PCDHGA2: variants seen among roughly 807,000 people sequenced by gnomAD.
PCDHGA2 encodes protocadherin gamma subfamily A, 2, also known as protocadherin gamma-A2.
In PCDHGA2, 40 loss-of-function variants were observed where a neutral mutation model predicts 59.2. The observed-to-expected ratio is 0.68, with a 90% CI of 0.52 to 0.88. The LOEUF (loss-of-function observed/expected upper bound fraction) is 0.88, where lower values mean the gene tolerates loss of function less well. Ranked by LOEUF, PCDHGA2 falls within the 40% of genes least tolerant of loss-of-function variation. The pLI is 0.00. For synonymous variants in PCDHGA2, 560 were observed against 526.0 expected, an observed-to-expected ratio of 1.06 and a Z score of -0.89; for missense variants, 1,226 against 1,204.0, an observed-to-expected ratio of 1.02 and a Z score of -0.27.
chr5:141,389,320 TG>T (rs764190187), intron 1 of PCDHGA2: 2 of 1,613,848 alleles, frequency 1.2e-6, no homozygotes, highest in Non-Finnish European at 1.7e-6. Flanking sequence ...GATCCGGACT[TG>T]GGGCCCAACG....
chr5:141,421,353 G>T, intron 1 of PCDHGA2: 1 of 1,613,998 alleles, frequency 6.2e-7, no homozygotes, highest in Non-Finnish European at 8.5e-7. Context: ...AGACCGAAAA[G>T]GGCTCCTTCG....
chr5:141,410,517 C>A, intron 1 of PCDHGA2: 1 of 1,613,926 alleles, frequency 6.2e-7, no homozygotes, highest in Non-Finnish European at 8.5e-7. Context: ...TGCAGTGTGC[C>A]CCTACATTCC....
chr5:141,398,868 CAG>C, intron 1 of PCDHGA2: 1 of 1,613,982 alleles, frequency 6.2e-7, no homozygotes, highest in Non-Finnish European at 8.5e-7. Flanking sequence ...GAGACGTGTA[CAG>C]AGTCAGCCTT....
chr5:141,457,335 A>G (rs2098917073), intron 1 of PCDHGA2, among the ~76,000 whole-genome samples: 1 of 152,172 alleles, frequency 6.6e-6, no homozygotes, highest in Admixed American at 6.5e-5. Flanking sequence ...CAGGTACCTT[A>G]CTTACTTTCA....
intron 1 of PCDHGA2, chr5:141,374,044 T>C: frequency 6.8e-7 from 1 of 1,465,536 alleles, no homozygotes; most frequent in Non-Finnish European, 9.0e-7. Flanking sequence ...GATCTGTTCT[T>C]CCTCTTCTTA....
chr5:141,373,373 C>T (rs1171696467), intron 1 of PCDHGA2, among the ~76,000 whole-genome samples: 1 of 152,142 alleles, frequency 6.6e-6, no homozygotes, highest in East Asian at 1.9e-4. Flanking sequence ...TGAATTGGTT[C>T]AAAATGTGTT....
rs1756835412 is a variant in PCDHGA2, at chr5:141,339,423, G to A, written c.452G>A (p.Arg151Gln). Residue 151 changes from arginine (R) to glutamine (Q), a missense_variant, in exon 1 of 4, where the codon CGG becomes CAG. By Grantham distance (43) the Arg-to-Gln change is conservative. Coordinates refer to ENST00000394576, the MANE Select transcript of PCDHGA2 (RefSeq NM_018915.4). The stretch of plus-strand genomic sequence containing the variant: ...AGTGAAACCACTACGCCAGGATTCC[G>A]GATTCCTCTTAAGAATGCGCATGAT... ...KISETTTPGF[R>Q]IPLKNAHDAD... 6.2e-7 allele frequency: 1 copy of A among 1,614,216 alleles called. No individual in the cohort carries two copies. Among genetic ancestry groups the A allele is most frequent in the Non-Finnish European group, 8.5e-7 (1 of 1,180,040 alleles).
chr5:141,465,505 G>C (rs905617997), intron 1 of PCDHGA2, among the ~76,000 whole-genome samples: 1 of 152,190 alleles, frequency 6.6e-6, no homozygotes, highest in Non-Finnish European at 1.5e-5. Context: ...CATTGTCGTG[G>C]TCAGGAAGGA....
At position 141,487,148 on chromosome 5, in the gene PCDHGA2, G is replaced by A; in HGVS notation, c.2425-7659G>A. ...TGGTAGTCCACCACTCTCTACCTCT[G>A]TTACTCTCTTAGTGTCCTTAGAGGA... On this transcript the variant is annotated intron_variant, in intron 1 of 3. Transcript: ENST00000394576. This position sits in a 1 kb window ranked among gnomAD's most constrained non-coding sequence, Gnocchi z 5.0. The A allele has an allele frequency of 6.2e-7, 1 of 1,614,042 alleles. No homozygotes were observed. The highest frequency in any genetic ancestry group is 8.5e-7 in the Non-Finnish European group (1 of 1,179,922).
intron 1 of PCDHGA2, among the ~76,000 whole-genome samples, chr5:141,348,599 T>G (rs1054314793): frequency 6.6e-6 from 1 of 152,172 alleles, no homozygotes; most frequent in Non-Finnish European, 1.5e-5. Context: ...ACTGAGAGTA[T>G]GGAACCCATA....
chr5:141,369,352 G>A (rs1265381304), intron 1 of PCDHGA2, among the ~76,000 whole-genome samples: 1 of 152,116 alleles, frequency 6.6e-6, no homozygotes, highest in East Asian at 1.9e-4. Flanking sequence ...TTGTGATGTA[G>A]TATGAAAAAA....
chr5:141,454,974 A>AT (rs2098808620), intron 1 of PCDHGA2, among the ~76,000 whole-genome samples: 1 of 151,182 alleles, frequency 6.6e-6, no homozygotes, highest in African/African-American at 2.4e-5. Context: ...CGCCTGGCTA[A>AT]TTTTTTAAAA....
intron 3 of PCDHGA2, among the ~76,000 whole-genome samples, chr5:141,508,989 G>A (rs900798347): frequency 1.3e-5 from 2 of 152,110 alleles, no homozygotes; most frequent in Non-Finnish European, 2.9e-5. Flanking sequence ...GGGGCCAGCT[G>A]GGGTAGGAGA....
chr5:141,374,327 G>T (rs766746841), intron 1 of PCDHGA2: 3 of 1,613,866 alleles, frequency 1.9e-6, no homozygotes, highest in Non-Finnish European at 2.5e-6. Context: ...TCCGCGAAAC[G>T]GCAGCTTGGT....
chr5:141,372,365 C>T lies in PCDHGA2; in HGVS notation c.2424+30970C>T, dbSNP rs777698721. On this transcript the variant is annotated intron_variant, in intron 1 of 3. Coordinates refer to ENST00000394576, the MANE Select transcript of PCDHGA2 (RefSeq NM_018915.4). ...GAGGACAGCAGCCTCTTTCAGCCACCGTCATGCTGCACCTAATCTTCGCAG... is the reference window on the plus strand; with the variant it reads ...GAGGACAGCAGCCTCTTTCAGCCACTGTCATGCTGCACCTAATCTTCGCAG... 5.0e-6 allele frequency: 8 copies of T among 1,613,848 alleles called. No individual in the cohort carries two copies. The African/African-American group carries it at 6.7e-5, about 13-fold the overall frequency.
rs752796935 is a variant in PCDHGA2, at chr5:141,399,900, C to T, written c.2424+58505C>T. ...TGGTGACCAAGGTAGTGGCCGTGGACGCAGACTCAGGACACAACGCCTGGC... is the reference window on the plus strand; with the variant it reads ...TGGTGACCAAGGTAGTGGCCGTGGATGCAGACTCAGGACACAACGCCTGGC... On this transcript the variant is annotated intron_variant, in intron 1 of 3. Coordinates refer to ENST00000394576, the MANE Select transcript of PCDHGA2 (RefSeq NM_018915.4). The T allele has an allele frequency of 7.4e-6, 12 of 1,612,414 alleles. 1 individual carries two copies. In the South Asian group the frequency reaches 9.9e-5, roughly 13 times the overall value.
chr5:141,344,135 G>A (rs763070238), intron 1 of PCDHGA2: 1 of 1,614,010 alleles, frequency 6.2e-7, no homozygotes, highest in Non-Finnish European at 8.5e-7. Flanking sequence ...TCCGCTACTC[G>A]GTGTCTGAGG....
chr5:141,399,097 G>GT (rs1217179640), intron 1 of PCDHGA2: 2 of 1,613,816 alleles, frequency 1.2e-6, no homozygotes, highest in Admixed American at 3.3e-5. Flanking sequence ...TGGTGGACTG[G>GT]TTGCACAATG....
At chr5:141,438,136 A>C (rs2097931548) in intron 1 of PCDHGA2, among the ~76,000 whole-genome samples, 1 of 152,186 alleles carries the variant, frequency 6.6e-6, no homozygotes, top group Non-Finnish European at 1.5e-5. Flanking sequence ...TAATGGCAAA[A>C]GATAGCCAGC....
Sources: allele counts gnomAD v4.1 joint callset (sites outside exome capture counted in the v4.1 genomes callset), GRCh38; gene constraint gnomAD v4.1.1; non-coding constraint Gnocchi (gnomAD v3.1); transcripts MANE v1.5; gene names NCBI Gene and HGNC (gene_info 2026-07-23, HGNC 2026-07-21).